The following ZNF69 variants were observed in gnomAD, a reference collection of about 807,000 sequenced individuals.
ZNF69 encodes the protein zinc finger protein 69.
A neutral mutation model predicts 50.9 loss-of-function variants in ZNF69; 47 were observed. The observed-to-expected ratio is 0.92, with a 90% CI of 0.73 to 1.18. The LOEUF (loss-of-function observed/expected upper bound fraction) is 1.18, where lower values mean the gene tolerates loss of function less well. Ranked by LOEUF, ZNF69 falls within the 50% of genes most tolerant of loss-of-function variation. The pLI is 0.00. For missense variants in ZNF69, 717 were observed against 675.1 expected (o/e 1.06, Z -0.69); for synonymous variants, 216 against 223.1 (o/e 0.97, Z 0.29).
chr19:11,943,106 CTATTAT>C, the ZNF69 span, among the ~76,000 whole-genome samples: 1 of 152,070 alleles, frequency 6.6e-6, no homozygotes, highest in Admixed American at 6.6e-5. Flanking sequence ...AAGCAGGTTT[CTATTAT>C]TATTATTATT....
chr19:11,913,247 A>G (rs569453829), intron 4 of ZNF69, among the ~76,000 whole-genome samples: 35 of 152,178 alleles, frequency 2.3e-4, no homozygotes, highest in African/African-American at 8.4e-4. Context: ...TATTAGATCA[A>G]CCTTATACTG....
chr19:11,901,901 G>T (rs1479863069), intron 1 of ZNF69, among the ~76,000 whole-genome samples: 2 of 151,372 alleles, frequency 1.3e-5, no homozygotes, highest in Non-Finnish European at 2.9e-5. Flanking sequence ...TCTCTAAGAT[G>T]AATTCTATTG....
At chr19:11,927,735 TGGGACATC>T in the ZNF69 span, among the ~76,000 whole-genome samples, 1 of 152,182 alleles carries the variant, frequency 6.6e-6, no homozygotes, top group Non-Finnish European at 1.5e-5. Context: ...TTATAGGTAT[TGGGACATC>T]AGGACATTCT....
the ZNF69 span, among the ~76,000 whole-genome samples, chr19:11,943,000 A>C: frequency 1.3e-5 from 2 of 152,186 alleles, no homozygotes; most frequent in Non-Finnish European, 2.9e-5. Flanking sequence ...ATAGTGGTTA[A>C]TGTAATACAC....
the ZNF69 span, chr19:11,965,113 C>T: frequency 3.9e-6 from 6 of 1,539,416 alleles, no homozygotes; most frequent in Non-Finnish European, 5.4e-6. Context: ...GACCTGGTAC[C>T]TCTACCCAGG....
At chr19:11,969,746 C>T in the ZNF69 span, among the ~76,000 whole-genome samples, 10 of 152,196 alleles carry the variant, frequency 6.6e-5, no homozygotes, top group Non-Finnish European at 1.5e-4. Flanking sequence ...TGTTTCTGAA[C>T]ATTTCACATG....
the ZNF69 span, among the ~76,000 whole-genome samples, chr19:11,965,979 G>A: frequency 6.6e-6 from 1 of 152,152 alleles, no homozygotes; most frequent in African/African-American, 2.4e-5. Context: ...GATTGAGAGT[G>A]TGAAGTTTGT....
Position 11,903,985 on chromosome 19 carries a change from C to T in ZNF69, c.251+20C>T. On this transcript the variant is annotated intron_variant, in intron 3 of 3. Transcript: ENST00000429654. ...CTTCAGGTAATTTGTACTTACAAGA[C>T]AAAGCAGTGTCTCTCTAGACAATCT... 1.2e-6 allele frequency: 2 copies of T among 1,610,334 alleles called. No individual in the cohort carries two copies.
At position 11,905,743 on chromosome 19, in the gene ZNF69, G is replaced by T; in HGVS notation, c.1346G>T (p.Cys449Phe). 1.2e-6 allele frequency: 2 copies of T among 1,613,712 alleles called. No individual in the cohort carries two copies. The highest frequency in any genetic ancestry group is 1.7e-6 in the Non-Finnish European group (2 of 1,179,974). The stretch of plus-strand genomic sequence containing the variant: ...GAGAAGCCCTATGAATGTCAGGAAT[G>T]TGGGAAAGCCTTCAGATCTATGAAG... ...TGEKPYECQE[C>F]GKAFRSMKNL... is the part of the protein sequence containing the mutation. The change falls in exon 4 of 4, where the codon TGT (cysteine) becomes TTT (phenylalanine). Residue 449 changes from cysteine (C) to phenylalanine (F), a missense_variant. Cys to Phe is a radical substitution (Grantham distance 205). Coordinates refer to ENST00000429654, the MANE Select transcript of ZNF69 (RefSeq NM_001364730.1).
At chr19:11,950,100 A>T in the ZNF69 span, 6 of 1,614,080 alleles carry the variant, frequency 3.7e-6, no homozygotes, top group Non-Finnish European at 5.1e-6. Context: ...AGATTCTTCA[A>T]ATACATGCAA....
At chr19:11,979,990 G>A in the ZNF69 span, 2 of 1,179,744 alleles carry the variant, frequency 1.7e-6, no homozygotes, top group East Asian at 2.5e-5. Context: ...ATGAGTGTAA[G>A]CAATGTGGGA....
chr19:11,888,834 G>C (rs556289371), intron 1 of ZNF69, among the ~76,000 whole-genome samples: 1 of 152,106 alleles, frequency 6.6e-6, no homozygotes, highest in Non-Finnish European at 1.5e-5. Flanking sequence ...CTAGCCGGGC[G>C]TGATGGTGGA....
At chr19:11,939,052 T>C in the ZNF69 span, among the ~76,000 whole-genome samples, 1 of 152,178 alleles carries the variant, frequency 6.6e-6, no homozygotes, top group African/African-American at 2.4e-5. Context: ...TCATGTCCTT[T>C]GCCCACTTTT....
Position 11,905,495 on chromosome 19 carries a change from G to T in ZNF69, c.1098G>T (p.Gly366=), listed in dbSNP as rs1278022647. 1 of 1,614,142 alleles carries T rather than the reference G, an allele frequency of 6.2e-7. No homozygotes were observed. Residue 366 remains glycine (G), a synonymous_variant, in exon 4 of 4, where the codon GGG becomes GGT. Coordinates refer to ENST00000429654, the MANE Select transcript of ZNF69 (RefSeq NM_001364730.1). ...GERPYECKIC[G]KGFCSANSFQ... ...GACCTTATGAATGTAAGATATGTGGGAAAGGCTTTTGTTCTGCCAATTCAT... is the reference window on the plus strand; with the variant it reads ...GACCTTATGAATGTAAGATATGTGGTAAAGGCTTTTGTTCTGCCAATTCAT...
chr19:11,966,367 A>C, the ZNF69 span, among the ~76,000 whole-genome samples: 2 of 151,978 alleles, frequency 1.3e-5, no homozygotes, highest in Non-Finnish European at 2.9e-5. Context: ...CTGGGAAGGT[A>C]CTTTGTTTGT....
chr19:11,957,369 C>T, the ZNF69 span, among the ~76,000 whole-genome samples: 3 of 151,526 alleles, frequency 2.0e-5, no homozygotes, highest in East Asian at 2.0e-4. Context: ...GCTGGGATTA[C>T]AGGCGTGAGC....
At chr19:11,909,365 A>G (rs1004777463), downstream of ZNF69, among the ~76,000 whole-genome samples, 3 of 152,128 alleles carry the variant, frequency 2.0e-5, no homozygotes, top group African/African-American at 7.2e-5. Context: ...CAGAGACACA[A>G]CAAAAAGAAT....
chr19:11,917,381 G>T (rs1956431830), downstream of ZNF69, among the ~76,000 whole-genome samples: 1 of 152,234 alleles, frequency 6.6e-6, no homozygotes, highest in Non-Finnish European at 1.5e-5. Context: ...AGCAGGGTGT[G>T]TGTGGAATTC....
chr19:11,887,857 G>C lies in ZNF69; in HGVS notation c.-67G>C. On this transcript the variant is annotated 5_prime_UTR_variant, in exon 1 of 4. Transcript: ENST00000429654. ...CCTGCGCGGGCTGCGGCTGGGATCC[G>C]GTCTTTCCAGCCCCGAGAGGGACCT... The C allele has an allele frequency of 1.4e-6, 2 of 1,471,722 alleles. No individual in the cohort carries two copies. Among genetic ancestry groups the C allele is most frequent in the Admixed American group, 1.8e-5 (1 of 56,292 alleles). The allele number at this position is 1,471,722 out of a possible 1,614,324, so 91.2% of individuals were successfully genotyped here.
Sources: allele counts gnomAD v4.1 joint callset (sites outside exome capture counted in the v4.1 genomes callset), GRCh38; gene constraint gnomAD v4.1.1; transcripts MANE v1.5; gene names NCBI Gene and HGNC (gene_info 2026-07-23, HGNC 2026-07-21).